The following SLC9C2 variants were observed in gnomAD, a reference collection of about 807,000 sequenced individuals.
SLC9C2 encodes sodium/hydrogen exchanger 11.
In SLC9C2, 75 loss-of-function variants were observed where a neutral mutation model predicts 140.2. That is an observed-to-expected ratio of 0.53 (90% CI 0.44 to 0.65). SLC9C2 has a LOEUF of 0.65. Ranked by LOEUF, SLC9C2 falls within the 30% of genes least tolerant of loss-of-function variation. The pLI, the probability that SLC9C2 is intolerant of heterozygous loss-of-function variation, is 0.00. For missense variants in SLC9C2, 1,074 were observed against 1,331.8 expected (o/e 0.81, Z 3.01); for synonymous variants, 375 against 420.9 (o/e 0.89, Z 1.34).
chr1:173,592,285 T>C (rs931356783), intron 4 of SLC9C2, among the ~76,000 whole-genome samples: 3 of 152,178 alleles, frequency 2.0e-5, no homozygotes, highest in Non-Finnish European at 4.4e-5. Context: ...AGTTTGAAGT[T>C]GGATAATGTG....
At chr1:173,526,782 A>G (rs1661233238) in intron 18 of SLC9C2, 68 bp from the exon 19 acceptor site, 1 of 1,111,490 alleles carries the variant, frequency 9.0e-7, no homozygotes, top group Admixed American at 2.5e-5. Flanking sequence ...ATTAAGAAAA[A>G]CATGCATTTC....
intron 24 of SLC9C2, among the ~76,000 whole-genome samples, chr1:173,508,916 C>T (rs748212212): frequency 1.1e-4 from 16 of 152,126 alleles, no homozygotes; most frequent in Non-Finnish European, 1.8e-4. Flanking sequence ...ATATTAACAT[C>T]GGCAGAGTAG....
chr1:173,558,479 T>G (rs1663866489), intron 9 of SLC9C2, among the ~76,000 whole-genome samples: 1 of 152,220 alleles, frequency 6.6e-6, no homozygotes, highest in Non-Finnish European at 1.5e-5. Flanking sequence ...CTGTGTTAAA[T>G]CTAGCCTTGC....
intron 22 of SLC9C2, among the ~76,000 whole-genome samples, chr1:173,520,115 T>C (rs1185145299): frequency 6.6e-6 from 1 of 152,146 alleles, no homozygotes; most frequent in Non-Finnish European, 1.5e-5. Context: ...GTCACTGCAC[T>C]CCAGACTGAG....
chr1:173,534,388 G>A, intron 16 of SLC9C2, 96 bp downstream of exon 16: 2 of 1,262,946 alleles, frequency 1.6e-6, no homozygotes, highest in African/African-American at 1.6e-5. Flanking sequence ...ATAGCAAATG[G>A]CTCTTGGTAT....
intron 19 of SLC9C2, 99 bp downstream of exon 19, chr1:173,526,564 T>C: frequency 1.8e-6 from 2 of 1,115,644 alleles, no homozygotes; most frequent in Non-Finnish European, 1.3e-6. Flanking sequence ...AATGCATAAA[T>C]GAATGAGCAA....
In SLC9C2 at chr1:173,508,673, C is replaced by T. The variant is rs560554587; in HGVS notation, c.3039+895G>A. 1.3e-4 allele frequency among the ~76,000 whole-genome samples: 20 copies of T among 152,318 alleles called. 1 individual carries two copies. Among genetic ancestry groups the T allele is most frequent in the Admixed American group, 5.9e-4 (9 of 15,300 alleles). ...AACCCAATATTTATTTATACCCAGT[C>T]GCTCAGTTCAGTGAATATTACTGAA... is the stretch of plus-strand genomic sequence containing the variant. On this transcript the variant is annotated intron_variant, in intron 24 of 27. Transcript: ENST00000367714.
At chr1:173,525,932 C>T (rs1661164658) in intron 19 of SLC9C2, among the ~76,000 whole-genome samples, 1 of 152,226 alleles carries the variant, frequency 6.6e-6, no homozygotes, top group South Asian at 2.1e-4. Context: ...TAAACTTACA[C>T]TTTCATTCAT....
intron 23 of SLC9C2, among the ~76,000 whole-genome samples, chr1:173,510,809 T>A (rs1416857967): frequency 2.0e-5 from 3 of 152,182 alleles, no homozygotes; most frequent in African/African-American, 7.2e-5. Context: ...TGTGCATGTG[T>A]CTTTATAGTA....
intron 17 of SLC9C2, 137 bp downstream of exon 17, chr1:173,533,472 T>C: frequency 3.3e-6 from 2 of 600,358 alleles, no homozygotes; most frequent in Admixed American, 3.0e-5. Context: ...AGTGATGGGG[T>C]CTTGCTATGT....
At chr1:173,566,084 C>A (rs947672717) in intron 9 of SLC9C2, among the ~76,000 whole-genome samples, 1 of 151,854 alleles carries the variant, frequency 6.6e-6, no homozygotes, top group Admixed American at 6.6e-5. Flanking sequence ...TGTTTGCTTA[C>A]ATTTTGTTGA....
intron 8 of SLC9C2, among the ~76,000 whole-genome samples, chr1:173,575,608 G>A (rs982658708): frequency 1.3e-5 from 2 of 151,954 alleles, no homozygotes; most frequent in African/African-American, 2.4e-5. Flanking sequence ...ACAGAGTCTC[G>A]CTCTGTCACT....
In SLC9C2 at chr1:173,567,183, A is replaced by G. The variant is rs183558994; in HGVS notation, c.1046+5999T>C. On this transcript the variant is annotated intron_variant, in intron 9 of 27. Transcript: ENST00000367714. ...TGTTCTGTAAATATCTATAAGGTCT[A>G]TTTGTTCCATGGTGCAAATTAAGTC... Among the ~76,000 whole-genome samples the G allele has an allele frequency of 8.5e-5, 13 of 152,180 alleles. No homozygotes were observed. In the East Asian group the frequency reaches 2.5e-3, roughly 29 times the overall value.
At chr1:173,567,993 G>A (rs1338264779) in intron 9 of SLC9C2, among the ~76,000 whole-genome samples, 2 of 151,968 alleles carry the variant, frequency 1.3e-5, no homozygotes, top group Admixed American at 6.5e-5. Flanking sequence ...TTAACTTTTT[G>A]TTGTTTCTTT....
intron 3 of SLC9C2, among the ~76,000 whole-genome samples, chr1:173,598,316 C>CTATT (rs1204570484): frequency 6.6e-6 from 1 of 152,134 alleles, no homozygotes; most frequent in Non-Finnish European, 1.5e-5. Flanking sequence ...GATATCCCTA[C>CTATT]TATTGGTGAT....
At chr1:173,519,394 TAGC>T (rs939616013) in intron 22 of SLC9C2, among the ~76,000 whole-genome samples, 2 of 152,122 alleles carry the variant, frequency 1.3e-5, no homozygotes, top group Admixed American at 6.5e-5. Flanking sequence ...GAAGGTAACA[TAGC>T]ACTACTGACA....
intron 27 of SLC9C2, among the ~76,000 whole-genome samples, chr1:173,501,434 G>C (rs1478306354): frequency 6.6e-6 from 1 of 151,628 alleles, no homozygotes; most frequent in African/African-American, 2.4e-5. Context: ...TTGTAAATCG[G>C]AATGGGAATC....
Position 173,575,519 on chromosome 1 carries a change from C to T in SLC9C2, c.902+1142G>A, listed in dbSNP as rs183872013. 3.3e-5 allele frequency among the ~76,000 whole-genome samples: 5 copies of T among 152,242 alleles called. No individual in the cohort carries two copies. The South Asian group carries it at 8.3e-4, about 25-fold the overall frequency. ...AACACAGTAATGTTTCATTCACATA[C>T]GCACAAAACTGGAATAGTTTTAGGT... is the stretch of plus-strand genomic sequence containing the variant. On this transcript the variant is annotated intron_variant, in intron 8 of 27. Coordinates refer to ENST00000367714, the MANE Select transcript of SLC9C2 (RefSeq NM_178527.4).
Position 173,507,033 on chromosome 1 carries a change from C to T in SLC9C2, c.3048G>A (p.Arg1016=), listed in dbSNP as rs755867507. 16 of 1,566,828 alleles carry T rather than the reference C, an allele frequency of 1.0e-5. No individual in the cohort carries two copies. In the South Asian group the frequency reaches 1.9e-4, roughly 19 times the overall value. Reference sequence around the variant, plus strand: ...GATTGAACATCACACAGTTCTGAAACCTTAAGTCCTATAATAAAATTGCAT... The same window carrying T: ...GATTGAACATCACACAGTTCTGAAATCTTAAGTCCTATAATAAAATTGCAT... ...FESSLIDEDL[R]FQNCVMFNQA... The change falls in exon 25 of 28, where the codon AGG becomes AGA. Residue 1016 remains arginine, a synonymous_variant. Coordinates refer to ENST00000367714, the MANE Select transcript of SLC9C2 (RefSeq NM_178527.4).
Sources: allele counts gnomAD v4.1 joint callset (sites outside exome capture counted in the v4.1 genomes callset), GRCh38; gene constraint gnomAD v4.1.1; transcripts MANE v1.5; gene names NCBI Gene and HGNC (gene_info 2026-07-23, HGNC 2026-07-21).